Variants in CMC2 observed in about 807,000 individuals in gnomAD.
CMC2 encodes COX assembly mitochondrial protein 2 homolog.
Under a neutral mutation model 7.5 loss-of-function variants are expected in CMC2, and 5 were observed. The ratio of observed to expected loss-of-function variants is 0.66; its 90% CI spans 0.35 to 1.40. The LOEUF (loss-of-function observed/expected upper bound fraction) is 1.40, where lower values mean the gene tolerates loss of function less well. Ranked by LOEUF, CMC2 falls within the 40% of genes most tolerant of loss-of-function variation. The probability of loss-of-function intolerance (pLI) is 0.04; values close to 1 mark genes in which losing one functional copy is unlikely to be tolerated. For synonymous variants in CMC2, 37 were observed against 31.4 expected (o/e 1.18, Z -0.60); for missense variants, 115 against 92.3 (o/e 1.25, Z -1.01).
chr16:80,967,363 C>G lies in CMC2; in HGVS notation c.*8730G>C, dbSNP rs529153951. ...TTTTGTTTTGTTTTGTTTTTTGAGA[C>G]GGAGCTCGCCGTGTCGCCCAGGCTG... On this transcript the variant is annotated 3_prime_UTR_variant, in exon 4 of 4. Transcript: ENST00000219400. 1 of 153,668 alleles carries G rather than the reference C, an allele frequency of 6.5e-6. No homozygotes were observed. The highest frequency in any genetic ancestry group is 2.4e-5 in the African/African-American group (1 of 41,478). 9.5% of individuals were successfully genotyped at this position (153,668 alleles called of 1,614,324 possible).
In CMC2 at chr16:80,997,295, C is replaced by A; in HGVS notation, c.81+19G>T. On this transcript the variant is annotated intron_variant, in intron 2 of 3. Coordinates refer to ENST00000219400, the MANE Select transcript of CMC2 (RefSeq NM_020188.5). ...CTAAGTTTCATTTTGGCTGTACAGT[C>A]GTTTTTCTGAACTCTTACATTTTTG... The A allele has an allele frequency of 3.1e-6, 4 of 1,299,950 alleles. No individual in the cohort carries two copies. In the South Asian group the frequency reaches 4.7e-5, roughly 15 times the overall value. The allele number at this position is 1,299,950 out of a possible 1,614,324, so 80.5% of individuals were successfully genotyped here.
In CMC2 at chr16:80,968,646, G is replaced by C. The variant is rs963561265; in HGVS notation, c.*7447C>G. 2 of 152,132 alleles carry C rather than the reference G, an allele frequency of 1.3e-5. No individual in the cohort carries two copies. The highest frequency in any genetic ancestry group is 4.8e-5 in the African/African-American group (2 of 41,412). The allele number at this position is 152,132 out of a possible 1,614,324, so 9.4% of individuals were successfully genotyped here. A position where few individuals can be genotyped will look rare whatever the true frequency, so the allele number is the denominator to read the frequency against. On this transcript the variant is annotated 3_prime_UTR_variant, in exon 4 of 4. Transcript: ENST00000219400. ...CAGGATATCTGTTTCTGGTAAAATA[G>C]CTCATTAGGTAATCTGAAAACACTC... is the stretch of plus-strand genomic sequence containing the variant.
At chr16:80,994,671 G>A (rs1384529394) in intron 2 of CMC2, among the ~76,000 whole-genome samples, 1 of 152,194 alleles carries the variant, frequency 6.6e-6, no homozygotes, top group African/African-American at 2.4e-5. Flanking sequence ...CACAATGGCT[G>A]AACTTAAAAA....
At chr16:81,002,631 ATAT>A (rs1313477724) in intron 1 of CMC2, among the ~76,000 whole-genome samples, 2 of 152,204 alleles carry the variant, frequency 1.3e-5, no homozygotes, top group Non-Finnish European at 2.9e-5. Context: ...GACTGAGACA[ATAT>A]TAATAGATGC....
chr16:80,991,900 A>AAAACAGGAGCC lies in CMC2; in HGVS notation c.81+5413_81+5414insGGCTCCTGTTT, dbSNP rs1567522526. On this transcript the variant is annotated intron_variant, in intron 2 of 3. Coordinates refer to ENST00000219400, the MANE Select transcript of CMC2 (RefSeq NM_020188.5). ...ATCAAAAACAAAGAAAATGTCACAGATAACAGGAGCCTAAAGAGTGACAAG... is the reference window on the plus strand; with the variant it reads ...ATCAAAAACAAAGAAAATGTCACAGAAAACAGGAGCCTAACAGGAGCCTAAAGAGTGACAAG... 3 of 453,532 alleles carry AAAACAGGAGCC rather than the reference A, an allele frequency of 6.6e-6. No individual in the cohort carries two copies. The Admixed American group carries it at 7.1e-5, about 11-fold the overall frequency. The allele number at this position is 453,532 out of a possible 1,614,324, so 28.1% of individuals were successfully genotyped here. A position where few individuals can be genotyped will look rare whatever the true frequency, so the allele number is the denominator to read the frequency against.
chr16:80,968,663 A>G lies in CMC2; in HGVS notation c.*7430T>C, dbSNP rs1416012056. The G allele has an allele frequency of 6.6e-6, 1 of 152,250 alleles. No homozygotes were observed. The highest frequency in any genetic ancestry group is 2.4e-5 in the African/African-American group (1 of 41,464). The allele number at this position is 152,250 out of a possible 1,614,324, so 9.4% of individuals were successfully genotyped here. On this transcript the variant is annotated 3_prime_UTR_variant, in exon 4 of 4. Transcript: ENST00000219400. ...GTAAAATAGCTCATTAGGTAATCTG[A>G]AAACACTCCTGCTAAAAAGCTATCT...
intron 1 of CMC2, among the ~76,000 whole-genome samples, chr16:81,003,680 A>G (rs555575735): frequency 4.6e-5 from 7 of 152,352 alleles, no homozygotes; most frequent in African/African-American, 1.2e-4. Flanking sequence ...AGAGCTTCTG[A>G]TTGACTACAA....
chr16:80,977,020 G>A (rs1912464934), intron 3 of CMC2, among the ~76,000 whole-genome samples: 1 of 151,420 alleles, frequency 6.6e-6, no homozygotes, highest in African/African-American at 2.4e-5. Context: ...AGACTACAGT[G>A]GGCCTACATC....
rs1455307791 is a variant in CMC2, at chr16:81,006,871, C to T, written c.-173G>A. ...CCCAGTGACGCCCTCCACCGCTCCA[C>T]CGTGCTCCCGGCTCCTCGCCCCCGC... On this transcript the variant is annotated 5_prime_UTR_variant, in exon 1 of 4. It adds an upstream start codon to the 5' untranslated region. Coordinates refer to ENST00000219400, the MANE Select transcript of CMC2 (RefSeq NM_020188.5). The T allele has an allele frequency of 7.1e-6, 7 of 986,080 alleles. No individual in the cohort carries two copies. The highest frequency in any genetic ancestry group is 1.1e-4 in the East Asian group (1 of 8,846). 61.1% of individuals were successfully genotyped at this position (986,080 alleles called of 1,614,324 possible). A position where few individuals can be genotyped will look rare whatever the true frequency, so the allele number is the denominator to read the frequency against.
chr16:80,973,550 T>C lies in CMC2; in HGVS notation c.*2543A>G, dbSNP rs1340531302. The C allele has an allele frequency of 2.0e-5, 3 of 152,144 alleles. No homozygotes were observed. The highest frequency in any genetic ancestry group is 2.9e-5 in the Non-Finnish European group (2 of 68,014). The allele number at this position is 152,144 out of a possible 1,614,324, so 9.4% of individuals were successfully genotyped here. On this transcript the variant is annotated 3_prime_UTR_variant, in exon 4 of 4. Coordinates refer to ENST00000219400, the MANE Select transcript of CMC2 (RefSeq NM_020188.5). Reference sequence around the variant, plus strand: ...TAACCAGAAAGATCTTTATAAAATATAAATAAATGAAATCATAACCACTCC... The same window carrying C: ...TAACCAGAAAGATCTTTATAAAATACAAATAAATGAAATCATAACCACTCC...
At chr16:80,991,969 A>G (rs1968031590) in intron 2 of CMC2, 2 of 455,406 alleles carry the variant, frequency 4.4e-6, no homozygotes, top group Admixed American at 4.7e-5. Context: ...TGTAACAGAG[A>G]AAAGACATTA....
intron 3 of CMC2, among the ~76,000 whole-genome samples, chr16:80,976,659 T>C (rs1233332281): frequency 6.6e-6 from 1 of 152,288 alleles, no homozygotes; most frequent in East Asian, 1.9e-4. Flanking sequence ...AAACCAAAAG[T>C]GCTTCCCTGT....
intron 2 of CMC2, 33 bp from the exon 3 acceptor site, chr16:80,981,910 C>T: frequency 7.1e-7 from 1 of 1,409,084 alleles, no homozygotes; most frequent in Non-Finnish European, 1.0e-6. Flanking sequence ...AATATTTCAT[C>T]CCATAATATG....
In CMC2 at chr16:80,979,938, G is replaced by C. The variant is rs2084962; in HGVS notation, c.153+1868C>G. Reference sequence around the variant, plus strand: ...CACCCGGCCAATATTATTTTTTAGAGATAGGGTCTCACTCTGTCACCCAGA... The same window carrying C: ...CACCCGGCCAATATTATTTTTTAGACATAGGGTCTCACTCTGTCACCCAGA... On this transcript the variant is annotated intron_variant, in intron 3 of 3. Coordinates refer to ENST00000219400, the MANE Select transcript of CMC2 (RefSeq NM_020188.5). Among the ~76,000 whole-genome samples the C allele has an allele frequency of 2.0e-5, 3 of 151,438 alleles. No individual in the cohort carries two copies. In the South Asian group the frequency reaches 6.3e-4, roughly 32 times the overall value.
At chr16:80,984,174 T>G (rs1396499889) in intron 2 of CMC2, 2 of 152,204 alleles carry the variant, frequency 1.3e-5, no homozygotes, top group Non-Finnish European at 2.9e-5. Context: ...TAAAGCAGGT[T>G]AAGCTGAAGC....
chr16:81,000,116 T>G (rs1968744678), intron 1 of CMC2, among the ~76,000 whole-genome samples: 1 of 152,082 alleles, frequency 6.6e-6, no homozygotes, highest in Non-Finnish European at 1.5e-5. Flanking sequence ...GACAAAATAT[T>G]CACAAACTAT....
chr16:80,990,717 A>AT (rs1298910076), intron 2 of CMC2, among the ~76,000 whole-genome samples: 3 of 151,628 alleles, frequency 2.0e-5, no homozygotes, highest in Non-Finnish European at 2.9e-5. Flanking sequence ...GTTCAAAGAA[A>AT]TTTTTTTTTC....
chr16:80,998,800 A>G (rs150336350), intron 1 of CMC2: 1 of 152,370 alleles, frequency 6.6e-6, no homozygotes, highest in African/African-American at 2.4e-5. Flanking sequence ...AACATACGCA[A>G]ATCAATAAAT....
intron 2 of CMC2, among the ~76,000 whole-genome samples, chr16:80,987,743 T>C (rs955950656): frequency 5.3e-5 from 8 of 152,118 alleles, no homozygotes; most frequent in South Asian, 2.1e-4. Flanking sequence ...TTCAAGCAGG[T>C]TGGAGAGCAC....
Sources: gnomAD v4.1 joint callset for allele counts (sites outside exome capture counted in the v4.1 genomes callset) on GRCh38, gnomAD v4.1.1 for gene constraint, MANE v1.5 for transcripts, NCBI Gene and HGNC (gene_info 2026-07-23, HGNC 2026-07-21) for gene names.